The following KCNH5 variants were observed in gnomAD, a reference collection of about 807,000 sequenced individuals.
The protein encoded by KCNH5 is potassium voltage-gated channel subfamily H member 5.
Under a neutral mutation model 96.1 loss-of-function variants are expected in KCNH5, and 46 were observed. The observed-to-expected ratio is 0.48, with a 90% confidence interval of 0.38 to 0.61. KCNH5 has a LOEUF of 0.61. Among genes scored for constraint, KCNH5 ranks in the 20% least tolerant of loss-of-function variants. The probability of loss-of-function intolerance (pLI) is 0.00; values close to 1 mark genes in which losing one functional copy is unlikely to be tolerated. For missense variants in KCNH5, 907 were observed against 1,225.8 expected (o/e 0.74, Z 3.88); for synonymous variants, 439 against 449.8 (o/e 0.98, Z 0.30).
At chr14:62,864,063 T>C (rs1429081441) in intron 7 of KCNH5, among the ~76,000 whole-genome samples, 1 of 152,172 alleles carries the variant, frequency 6.6e-6, no homozygotes, top group Admixed American at 6.5e-5. Context: ...ATACCATCTG[T>C]ACATGACCAA....
chr14:62,975,198 C>T (rs1336752395), intron 6 of KCNH5, among the ~76,000 whole-genome samples: 6 of 151,660 alleles, frequency 4.0e-5, no homozygotes, highest in African/African-American at 1.5e-4. Context: ...CACAAATCAA[C>T]AAAAGAAAAA....
At chr14:62,711,342 AT>A (rs1884563358) in intron 10 of KCNH5, among the ~76,000 whole-genome samples, 2 of 152,086 alleles carry the variant, frequency 1.3e-5, no homozygotes, top group South Asian at 4.1e-4. Context: ...ACAGGGCTTG[AT>A]TTCTCACCTA....
chr14:62,761,040 G>A (rs1885736061), intron 10 of KCNH5, among the ~76,000 whole-genome samples: 2 of 151,996 alleles, frequency 1.3e-5, no homozygotes, highest in Admixed American at 1.3e-4. Flanking sequence ...TCCCTCCTTT[G>A]AATAACCAAA....
chr14:63,003,377 A>G (rs1280676526), intron 3 of KCNH5, among the ~76,000 whole-genome samples: 1 of 146,612 alleles, frequency 6.8e-6, no homozygotes, highest in African/African-American at 2.5e-5. Context: ...GCAGTGCTCC[A>G]GCATTGATGA....
In KCNH5 at chr14:62,708,004, T is replaced by C; in HGVS notation, c.2471A>G (p.Lys824Arg). Residue 824 changes from lysine to arginine, a missense_variant, in exon 11 of 11, where the codon AAA becomes AGA. Physicochemically the swap from Lys to Arg is conservative, Grantham distance 26. Transcript: ENST00000322893. ...LKNNMGAHEEKKEDWNNVTKA... is the reference protein window; with the variant it reads ...LKNNMGAHEERKEDWNNVTKA... ...AGTGACATTATTCCAGTCTTCCTTT[T>C]TCTCCTCATGGGCTCCCATATTATT... The C allele has an allele frequency of 6.2e-7, 1 of 1,614,238 alleles. No individual in the cohort carries two copies. The highest frequency in any genetic ancestry group is 1.1e-5 in the South Asian group (1 of 91,088).
At chr14:62,968,215 T>G (rs781072936) in intron 6 of KCNH5, among the ~76,000 whole-genome samples, 2 of 152,224 alleles carry the variant, frequency 1.3e-5, no homozygotes, top group Non-Finnish European at 2.9e-5. Flanking sequence ...ATTTGGAACT[T>G]GAGGCTGACT....
At chr14:62,831,830 T>C (rs545531487) in intron 8 of KCNH5, among the ~76,000 whole-genome samples, 62 of 152,286 alleles carry the variant, frequency 4.1e-4, no homozygotes, top group African/African-American at 1.5e-3. Context: ...CACCTGAGCC[T>C]CCTGAGTAGC....
intron 10 of KCNH5, among the ~76,000 whole-genome samples, chr14:62,726,569 CACAATGTATT>C (rs1299381140): frequency 2.6e-5 from 4 of 151,430 alleles, no homozygotes; most frequent in Non-Finnish European, 5.9e-5. Context: ...AATTTAAAAC[CACAATGTATT>C]ACCCCTACAC....
chr14:62,772,995 T>A lies in KCNH5; in HGVS notation c.2019+6733A>T, dbSNP rs189774812. 2.6e-5 allele frequency among the ~76,000 whole-genome samples: 4 copies of A among 152,304 alleles called. No individual in the cohort carries two copies. The East Asian group carries it at 7.7e-4, about 29-fold the overall frequency. Reference sequence around the variant, plus strand: ...ATTAGTTTTATCCTGAACCACAGTATGAAAAACTAAAATCAATCTATGAAT... The same window carrying A: ...ATTAGTTTTATCCTGAACCACAGTAAGAAAAACTAAAATCAATCTATGAAT... On this transcript the variant is annotated intron_variant, in intron 10 of 10. Coordinates refer to ENST00000322893, the MANE Select transcript of KCNH5 (RefSeq NM_139318.5).
chr14:63,013,371 T>C (rs1341973983), intron 2 of KCNH5, among the ~76,000 whole-genome samples: 1 of 152,124 alleles, frequency 6.6e-6, no homozygotes, highest in African/African-American at 2.4e-5. Flanking sequence ...TATTTTCCCA[T>C]ATAAAATGAA....
intron 8 of KCNH5, among the ~76,000 whole-genome samples, chr14:62,818,970 C>G (rs1174560518): frequency 6.6e-6 from 1 of 152,000 alleles, no homozygotes; most frequent in Non-Finnish European, 1.5e-5. Flanking sequence ...TTTATTTTAT[C>G]TATTTATTTT....
chr14:63,001,857 C>T (rs890546689), intron 3 of KCNH5, among the ~76,000 whole-genome samples: 4 of 152,192 alleles, frequency 2.6e-5, no homozygotes, highest in South Asian at 2.1e-4. Flanking sequence ...CTGCTTCTCT[C>T]GTCATGTCAC....
chr14:62,815,257 G>C (rs1233081629), intron 8 of KCNH5, among the ~76,000 whole-genome samples: 1 of 152,094 alleles, frequency 6.6e-6, no homozygotes, highest in Admixed American at 6.6e-5. Flanking sequence ...TGAAGGTCAA[G>C]GTTTACATTA....
intron 6 of KCNH5, among the ~76,000 whole-genome samples, chr14:62,979,661 T>C (rs1327164669): frequency 6.6e-6 from 1 of 152,168 alleles, no homozygotes; most frequent in Non-Finnish European, 1.5e-5. Flanking sequence ...ATAATGAACA[T>C]ATTTTAATAA....
At chr14:62,798,510 T>C (rs1328179100) in intron 9 of KCNH5, among the ~76,000 whole-genome samples, 1 of 152,218 alleles carries the variant, frequency 6.6e-6, no homozygotes, top group Non-Finnish European at 1.5e-5. Flanking sequence ...AAATATTATG[T>C]ATGCATCACG....
At chr14:62,950,637 C>T (rs987823923) in intron 6 of KCNH5, 78 bp from the exon 7 acceptor site, 1 of 1,188,274 alleles carries the variant, frequency 8.4e-7, no homozygotes, top group South Asian at 1.7e-5. Context: ...CAATGGCTCA[C>T]CTTCATAAAT....
At chr14:62,759,573 A>ATATATATATATATATATT (rs1171935428) in intron 10 of KCNH5, among the ~76,000 whole-genome samples, 7 of 151,204 alleles carry the variant, frequency 4.6e-5, no homozygotes, top group Non-Finnish European at 8.9e-5. Flanking sequence ...CGTAGGGTAT[A>ATATATATATATATATATT]TTTTTTAATA....
intron 7 of KCNH5, among the ~76,000 whole-genome samples, chr14:62,899,791 G>A (rs8022668): frequency 0.021 from 3,168 of 149,046 alleles, 63 homozygotes; most frequent in East Asian, 0.084. Context: ...CCGAGATCCC[G>A]CCACTGCACT....
chr14:62,953,143 C>T (rs929821176), intron 6 of KCNH5, among the ~76,000 whole-genome samples: 2 of 151,332 alleles, frequency 1.3e-5, no homozygotes, highest in East Asian at 3.9e-4. Flanking sequence ...AATATACATA[C>T]TTGATATATA....
Sources: gnomAD v4.1 joint callset for allele counts (sites outside exome capture counted in the v4.1 genomes callset) on GRCh38, gnomAD v4.1.1 for gene constraint, MANE v1.5 for transcripts, NCBI Gene and HGNC (gene_info 2026-07-23, HGNC 2026-07-21) for gene names.